RAF1: variants seen among roughly 807,000 people sequenced by gnomAD.
The protein encoded by RAF1 is RAF proto-oncogene serine/threonine-protein kinase.
In RAF1, 27 loss-of-function variants were observed where a neutral mutation model predicts 81.1. The ratio of observed to expected loss-of-function variants is 0.33; its 90% CI spans 0.25 to 0.46. The LOEUF (loss-of-function observed/expected upper bound fraction) is 0.46. Ranked by LOEUF, RAF1 falls within the 20% of genes least tolerant of loss-of-function variation. The pLI, the probability that RAF1 is intolerant of heterozygous loss-of-function variation, is 1.00. For synonymous variants in RAF1, 298 were observed against 294.0 expected (o/e 1.01, Z -0.14); for missense variants, 598 against 826.0 (o/e 0.72, Z 3.38).
At chr3:12,624,904 A>AAC (rs1403163315) in intron 1 of RAF1, among the ~76,000 whole-genome samples, 2 of 147,844 alleles carry the variant, frequency 1.4e-5, no homozygotes, top group African/African-American at 5.0e-5. Context: ...AAAAAAAAAC[A>AAC]AAAACAAAAA....
At chr3:12,653,441 T>C (rs1262641801) in intron 1 of RAF1, among the ~76,000 whole-genome samples, 2 of 152,128 alleles carry the variant, frequency 1.3e-5, no homozygotes, top group East Asian at 1.9e-4. Context: ...CATTTCCTAT[T>C]GCAGTAAAAA....
intron 1 of RAF1, among the ~76,000 whole-genome samples, chr3:12,650,078 G>A (rs113698553): frequency 1.3e-5 from 2 of 149,500 alleles, no homozygotes; most frequent in African/African-American, 4.9e-5. Context: ...CCCAGGAGGC[G>A]GAGGTCGCAT....
At chr3:12,648,604 C>A (rs760703308) in intron 1 of RAF1, among the ~76,000 whole-genome samples, 2 of 152,226 alleles carry the variant, frequency 1.3e-5, no homozygotes, top group Middle Eastern at 6.8e-3. Context: ...TCTATATTAG[C>A]CGGATGTGGT....
intron 1 of RAF1, 59 bp downstream of exon 1, chr3:12,663,754 G>T (rs970142563): frequency 3.3e-5 from 13 of 395,534 alleles, no homozygotes; most frequent in Non-Finnish European, 5.8e-5. Context: ...CCTGGAAGCC[G>T]ATCCCTCAGC....
intron 1 of RAF1, among the ~76,000 whole-genome samples, chr3:12,638,649 C>T (rs563340634): frequency 9.6e-4 from 146 of 152,218 alleles, no homozygotes; most frequent in Middle Eastern, 3.4e-3. Flanking sequence ...TCACAGTAAA[C>T]GGTAAATATT....
At chr3:12,635,747 G>A (rs1559470032) in intron 1 of RAF1, among the ~76,000 whole-genome samples, 1 of 151,962 alleles carries the variant, frequency 6.6e-6, no homozygotes, top group Non-Finnish European at 1.5e-5. Context: ...GCCAAGGTGG[G>A]CGGATCACAA....
At position 12,655,989 on chromosome 3, in the gene RAF1, G is replaced by T. The variant is rs538803318; in HGVS notation, c.-27+7824C>A. On this transcript the variant is annotated intron_variant, in intron 1 of 17. Coordinates refer to ENST00000442415, the MANE Select transcript of RAF1 (RefSeq NM_001354689.3). ...GAGGTAACAAAAAGGTTCTGGAAAC[G>T]AGTAGTGGCGATGGTTTTAAGACAT... Among the ~76,000 whole-genome samples the T allele has an allele frequency of 3.3e-5, 5 of 151,592 alleles. No individual in the cohort carries two copies. In the South Asian group the frequency reaches 1.1e-3, roughly 32 times the overall value.
intron 1 of RAF1, among the ~76,000 whole-genome samples, chr3:12,638,688 T>C (rs1045992347): frequency 1.1e-4 from 16 of 152,158 alleles, no homozygotes; most frequent in Admixed American, 3.3e-4. Flanking sequence ...CCGATTTGTC[T>C]TAAATGTACA....
chr3:12,644,016 A>G (rs959553345), intron 1 of RAF1, among the ~76,000 whole-genome samples: 1 of 152,248 alleles, frequency 6.6e-6, no homozygotes, highest in Non-Finnish European at 1.5e-5. Flanking sequence ...TTAATAAACT[A>G]TAAATTAGAC....
intron 1 of RAF1, among the ~76,000 whole-genome samples, chr3:12,647,536 G>C (rs1207361357): frequency 6.6e-6 from 1 of 152,078 alleles, no homozygotes; most frequent in South Asian, 2.1e-4. Flanking sequence ...CCAGGTTGCA[G>C]TGAGCCATGA....
At chr3:12,655,355 G>A (rs959250502) in intron 1 of RAF1, among the ~76,000 whole-genome samples, 1 of 152,122 alleles carries the variant, frequency 6.6e-6, no homozygotes, top group African/African-American at 2.4e-5. Flanking sequence ...CAAAGTGCTG[G>A]GATTACAGGC....
intron 1 of RAF1, among the ~76,000 whole-genome samples, chr3:12,649,322 G>T (rs976577921): frequency 1.3e-5 from 2 of 152,070 alleles, no homozygotes; most frequent in Non-Finnish European, 2.9e-5. Context: ...CCCTGGCCAG[G>T]CATGGTGGTT....
At chr3:12,655,375 C>T (rs1048071754) in intron 1 of RAF1, among the ~76,000 whole-genome samples, 34 of 152,250 alleles carry the variant, frequency 2.2e-4, no homozygotes, top group African/African-American at 7.5e-4. Flanking sequence ...CATGAGCCAC[C>T]GTGCCCAGCC....
At chr3:12,628,451 C>T (rs1046087007) in intron 1 of RAF1, among the ~76,000 whole-genome samples, 1 of 152,062 alleles carries the variant, frequency 6.6e-6, no homozygotes, top group African/African-American at 2.4e-5. Context: ...CACTTGATCC[C>T]AGGAATTCAA....
chr3:12,662,655 C>A (rs2060915907), intron 1 of RAF1, among the ~76,000 whole-genome samples: 1 of 152,134 alleles, frequency 6.6e-6, no homozygotes, highest in Admixed American at 6.6e-5. Flanking sequence ...CATCCCAACT[C>A]CCACATGGCT....
At chr3:12,643,607 G>T (rs1425738124) in intron 1 of RAF1, among the ~76,000 whole-genome samples, 2 of 151,878 alleles carry the variant, frequency 1.3e-5, no homozygotes, top group Admixed American at 6.6e-5. Context: ...GTGGTGGCAG[G>T]CGCCTGTAAT....
Position 12,606,260 on chromosome 3 carries a change from TG to T in RAF1, c.620del (p.Pro207GlnfsTer6). 6.2e-7 allele frequency: 1 copy of T among 1,614,004 alleles called. No homozygotes were observed. Among genetic ancestry groups the T allele is most frequent in the Non-Finnish European group, 8.5e-7 (1 of 1,179,866 alleles). On this transcript the variant is annotated frameshift_variant, in exon 6 of 18. Coordinates refer to ENST00000442415, the MANE Select transcript of RAF1 (RefSeq NM_001354689.3). LOFTEE classifies it high-confidence loss of function. ...GACGCATAGTCAAAGAAGGTAGTGC[TG>T]GGACTCCACTATCACCAATAGTGGA...
intron 1 of RAF1, among the ~76,000 whole-genome samples, chr3:12,638,817 C>A (rs2060102389): frequency 6.6e-6 from 1 of 152,116 alleles, no homozygotes; most frequent in African/African-American, 2.4e-5. Context: ...GGGCGGATCA[C>A]CTGAAGTCAG....
At chr3:12,602,389 C>G (rs1282885182) in intron 8 of RAF1, among the ~76,000 whole-genome samples, 1 of 152,148 alleles carries the variant, frequency 6.6e-6, no homozygotes, top group Non-Finnish European at 1.5e-5. Context: ...ATAATAAAAA[C>G]TCAAAAATTC....
Sources: allele counts gnomAD v4.1 joint callset (sites outside exome capture counted in the v4.1 genomes callset), GRCh38; gene constraint gnomAD v4.1.1; transcripts MANE v1.5; gene names NCBI Gene and HGNC (gene_info 2026-07-23, HGNC 2026-07-21).